MTMR10: variants seen among roughly 807,000 people sequenced by gnomAD.
The protein encoded by MTMR10 is myotubularin-related protein 10.
Under a neutral mutation model 88.1 loss-of-function variants are expected in MTMR10, and 56 were observed. That is an observed-to-expected ratio of 0.64 (90% CI 0.51 to 0.79). The LOEUF (loss-of-function observed/expected upper bound fraction) is 0.79. Among genes scored for constraint, MTMR10 ranks in the 30% least tolerant of loss-of-function variants. The pLI, the probability that MTMR10 is intolerant of heterozygous loss-of-function variation, is 0.00. For missense variants in MTMR10, 883 were observed against 924.7 expected (o/e 0.95, Z 0.58); for synonymous variants, 380 against 340.9 (o/e 1.11, Z -1.26).
chr15:30,985,467 T>G (rs929458346), intron 2 of MTMR10, among the ~76,000 whole-genome samples: 2 of 152,208 alleles, frequency 1.3e-5, no homozygotes, highest in Non-Finnish European at 2.9e-5. Context: ...CCGTGCTACT[T>G]AGCAGTTAGT....
chr15:30,955,591 GA>G (rs1755027134), intron 9 of MTMR10, among the ~76,000 whole-genome samples: 1 of 152,222 alleles, frequency 6.6e-6, no homozygotes, highest in African/African-American at 2.4e-5. Context: ...TTTCTGATGG[GA>G]GAAAATAAAG....
chr15:30,925,308 T>C, the MTMR10 span: 2 of 1,610,118 alleles, frequency 1.2e-6, no homozygotes, highest in Non-Finnish European at 1.7e-6. Flanking sequence ...AAAGAGCCTG[T>C]GGGTGCTTTG....
chr15:30,981,269 T>C lies in MTMR10; in HGVS notation c.122-4314A>G, dbSNP rs114250074. On this transcript the variant is annotated intron_variant, in intron 2 of 15. Transcript: ENST00000435680. ...AGCTTAATTCCCAATCCCTTGAATG[T>C]GGGCTGCACTTAGTGATTTGTTTCT... Among the ~76,000 whole-genome samples the C allele has an allele frequency of 5.0e-3, 768 of 152,370 alleles. 6 individuals are homozygous for C. Among genetic ancestry groups the C allele is most frequent in the African/African-American group, 0.018 (731 of 41,584 alleles).
the MTMR10 span, among the ~76,000 whole-genome samples, chr15:30,923,821 C>T: frequency 1.3e-5 from 2 of 152,204 alleles, no homozygotes; most frequent in Non-Finnish European, 1.5e-5. Flanking sequence ...TTTTCTTTCA[C>T]TTTTTATGTT....
At chr15:30,952,216 T>C (rs1197607418) in intron 11 of MTMR10, among the ~76,000 whole-genome samples, 178 bp from the exon 12 acceptor site, 3 of 152,228 alleles carry the variant, frequency 2.0e-5, no homozygotes, top group South Asian at 2.1e-4. Context: ...AAACTGAGAC[T>C]GTGTGGCTGA....
rs552118405 is a variant in MTMR10, at chr15:30,990,259, C to T, written c.121+518G>A. Among the ~76,000 whole-genome samples, 20 of 152,242 alleles carry T rather than the reference C, an allele frequency of 1.3e-4. No individual in the cohort carries two copies. The South Asian group carries it at 4.1e-3, about 32-fold the overall frequency. ...GGTGGAGGCCATCTTTGTTGCTATA[C>T]ACAGGACAGCCTGCCCGTCCAACTA... On this transcript the variant is annotated intron_variant, in intron 2 of 15. Coordinates refer to ENST00000435680, the MANE Select transcript of MTMR10 (RefSeq NM_017762.3).
In MTMR10 at chr15:30,940,076, TA is replaced by T. The variant is rs1272104863; in HGVS notation, c.*1393del. On this transcript the variant is annotated 3_prime_UTR_variant, in exon 16 of 16. Transcript: ENST00000435680. ...AAAACACTTGTTTTAGAAAAGGAAA[TA>T]AGCTAACTAGACACTTTACTATAAA... 50 of 982,852 alleles carry T rather than the reference TA, an allele frequency of 5.1e-5. No individual in the cohort carries two copies. Among genetic ancestry groups the T allele is most frequent in the Non-Finnish European group, 5.9e-5 (49 of 827,716 alleles). 60.9% of individuals were successfully genotyped at this position (982,852 alleles called of 1,614,324 possible).
downstream of MTMR10, among the ~76,000 whole-genome samples, chr15:30,936,479 CT>C (rs1477982165): frequency 1.2e-4 from 19 of 152,190 alleles, no homozygotes; most frequent in Non-Finnish European, 2.2e-4. Context: ...CCAGTGCATG[CT>C]TTAAAACAAT....
At chr15:30,935,586 A>G (rs963551433), downstream of MTMR10, among the ~76,000 whole-genome samples, 6 of 137,094 alleles carry the variant, frequency 4.4e-5, no homozygotes, top group African/African-American at 1.6e-4. Flanking sequence ...GAATATGCAG[A>G]TGCGATGCCA....
intron 2 of MTMR10, among the ~76,000 whole-genome samples, chr15:30,987,696 T>A (rs1016167976): frequency 1.3e-5 from 2 of 152,134 alleles, no homozygotes; most frequent in Non-Finnish European, 1.5e-5. Context: ...TTTTTTATTT[T>A]TTTTTTTAAG....
intron 6 of MTMR10, among the ~76,000 whole-genome samples, chr15:30,964,735 A>AC (rs2063452988): frequency 6.6e-6 from 1 of 152,344 alleles, no homozygotes; most frequent in Admixed American, 6.5e-5. Context: ...GCTGACCGCT[A>AC]CCTGACTGAG....
At chr15:30,934,296 G>C (rs1018854870), downstream of MTMR10, among the ~76,000 whole-genome samples, 1 of 151,294 alleles carries the variant, frequency 6.6e-6, no homozygotes, top group Non-Finnish European at 1.5e-5. Context: ...TTTTACTTTT[G>C]ACCTGTTTTA....
At position 30,991,510 on chromosome 15, in the gene MTMR10, G is replaced by A; in HGVS notation, c.-4C>T. 2 of 1,532,346 alleles carry A rather than the reference G, an allele frequency of 1.3e-6. No individual in the cohort carries two copies. Among genetic ancestry groups the A allele is most frequent in the Non-Finnish European group, 1.7e-6 (2 of 1,147,796 alleles). 94.9% of individuals were successfully genotyped at this position (1,532,346 alleles called of 1,614,324 possible). ...TGGGCGGCTTGAGGGAGAACATGGT[G>A]CCGCCGCCTTTTCGCCCCGTTCCCG... On this transcript the variant is annotated 5_prime_UTR_variant, in exon 1 of 16. Transcript: ENST00000435680.
intron 6 of MTMR10, among the ~76,000 whole-genome samples, chr15:30,967,485 A>C (rs971328528): frequency 6.6e-6 from 1 of 152,230 alleles, no homozygotes; most frequent in Non-Finnish European, 1.5e-5. Flanking sequence ...ATCTTAATGA[A>C]GTCCACAAAA....
At chr15:30,954,917 G>T (rs769831990) in intron 9 of MTMR10, 24 bp from the exon 10 acceptor site, 1 of 1,519,244 alleles carries the variant, frequency 6.6e-7, no homozygotes, top group Non-Finnish European at 8.9e-7. Flanking sequence ...AAATACTTTA[G>T]TCATTACTCA....
chr15:30,931,738 G>A, the MTMR10 span, among the ~76,000 whole-genome samples: 1 of 152,028 alleles, frequency 6.6e-6, no homozygotes, highest in Non-Finnish European at 1.5e-5. Context: ...CCATATATAT[G>A]TGGGTCTGTT....
At chr15:30,968,542 C>CACACACACACAT (rs2063499410) in intron 5 of MTMR10, among the ~76,000 whole-genome samples, 1 of 52,210 alleles carries the variant, frequency 1.9e-5, no homozygotes, top group African/African-American at 4.6e-5. Flanking sequence ...ACAACACACA[C>CACACACACACAT]ACACACACAC....
the MTMR10 span, chr15:30,922,487 C>A: frequency 1.1e-6 from 1 of 949,000 alleles, no homozygotes; most frequent in Non-Finnish European, 1.6e-6. Context: ...CTTCTTTTGT[C>A]TGTGTTCTTC....
At chr15:30,918,736 G>C in the MTMR10 span, among the ~76,000 whole-genome samples, 1 of 152,200 alleles carries the variant, frequency 6.6e-6, no homozygotes, top group Non-Finnish European at 1.5e-5. Context: ...CACAGCACAT[G>C]ATCTTTTATT....
Sources: gnomAD v4.1 joint callset for allele counts (sites outside exome capture counted in the v4.1 genomes callset) on GRCh38, gnomAD v4.1.1 for gene constraint, MANE v1.5 for transcripts, NCBI Gene and HGNC (gene_info 2026-07-23, HGNC 2026-07-21) for gene names.